Variants in IL27RA observed in about 807,000 individuals in gnomAD.
IL27RA encodes interleukin-27 receptor subunit alpha.
In IL27RA, 61 loss-of-function variants were observed where a neutral mutation model predicts 80.8. That is an observed-to-expected ratio of 0.76 (90% CI 0.61 to 0.93). The LOEUF (loss-of-function observed/expected upper bound fraction) is 0.93. Ranked by LOEUF, IL27RA falls within the 40% of genes least tolerant of loss-of-function variation. The pLI is 0.00. For missense variants in IL27RA, 735 were observed against 808.1 expected, an observed-to-expected ratio of 0.91 and a Z score of 1.10; for synonymous variants, 316 against 332.5, an observed-to-expected ratio of 0.95 and a Z score of 0.54.
Position 14,046,156 on chromosome 19 carries a change from C to T in IL27RA, c.771C>T (p.Ala257=). The T allele has an allele frequency of 6.2e-7, 1 of 1,613,672 alleles. No homozygotes were observed. Among genetic ancestry groups the T allele is most frequent in the Non-Finnish European group, 8.5e-7 (1 of 1,179,746 alleles). Residue 257 remains alanine (A), a splice_region_variant and synonymous_variant, in exon 7 of 14, where the codon GCC becomes GCT. Coordinates refer to ENST00000263379, the MANE Select transcript of IL27RA (RefSeq NM_004843.4). The part of the protein sequence containing the change: ...GGEEPLLLWK[A]PGPCVQVSYK... ...CCCTTTTTCCCTTCATCTCTCAGGC[C>T]CCAGGGCCCTGTGTGCAGGTGAGCT...
At chr19:14,048,259 G>T (rs1432477951) in intron 8 of IL27RA, among the ~76,000 whole-genome samples, 1 of 149,784 alleles carries the variant, frequency 6.7e-6, no homozygotes, top group East Asian at 1.9e-4. Flanking sequence ...TACCTGGCAA[G>T]AAATCTTTAT....
chr19:14,041,916 A>G (rs188033903), intron 4 of IL27RA, among the ~76,000 whole-genome samples: 208 of 151,850 alleles, frequency 1.4e-3, no homozygotes, highest in Non-Finnish European at 2.5e-3. Context: ...AAATACAAAA[A>G]TTGGCTGGGC....
Position 14,039,513 on chromosome 19 carries a change from C to G in IL27RA, c.224C>G (p.Ser75Cys), listed in dbSNP as rs1178534378. The G allele has an allele frequency of 7.4e-6, 12 of 1,612,220 alleles. No homozygotes were observed. Among genetic ancestry groups the G allele is most frequent in the Non-Finnish European group, 1.0e-5 (12 of 1,178,844 alleles). ...CCCCGCCTCTCTCCTCACAGCCGTT[C>G]CAACAAAACCCAGACTGTGGCAGTG... Reference protein sequence around the residue: ...ELHLQSQKYRSNKTQTVAVAA... With the variant: ...ELHLQSQKYRCNKTQTVAVAA... The change falls in exon 3 of 14, where the codon TCC (serine) becomes TGC (cysteine). Residue 75 changes from serine (S) to cysteine (C), a missense_variant. Physicochemically the swap from Ser to Cys is moderately radical, Grantham distance 112 (BLOSUM62 -1). Coordinates refer to ENST00000263379, the MANE Select transcript of IL27RA (RefSeq NM_004843.4).
chr19:14,040,400 A>G (rs1384108627), intron 4 of IL27RA, among the ~76,000 whole-genome samples: 2 of 148,860 alleles, frequency 1.3e-5, no homozygotes, highest in Non-Finnish European at 3.0e-5. Context: ...AAAATAATCT[A>G]TCACCCGGTC....
At chr19:14,040,526 TA>T (rs1356778329) in intron 4 of IL27RA, among the ~76,000 whole-genome samples, 6 of 151,414 alleles carry the variant, frequency 4.0e-5, no homozygotes, top group Admixed American at 1.3e-4. Flanking sequence ...TCTAAGAAGT[TA>T]AAAAATAATC....
chr19:14,033,153 A>G (rs1433444506), intron 2 of IL27RA, among the ~76,000 whole-genome samples: 5 of 145,916 alleles, frequency 3.4e-5, no homozygotes, highest in Non-Finnish European at 6.0e-5. Flanking sequence ...CTGGAATGCA[A>G]TGGTGTGGTC....
chr19:14,039,841 A>G lies in IL27RA; in HGVS notation c.465A>G (p.Thr155=), dbSNP rs539025031. 3.7e-5 allele frequency: 60 copies of G among 1,614,092 alleles called. No homozygotes were observed. Among genetic ancestry groups the G allele is most frequent in the African/African-American group, 2.7e-4 (20 of 75,028 alleles). ...LEATVHWAPP[T]WPSHKVLICQ... Reference sequence around the variant, plus strand: ...CCACTGTCCATTGGGCCCCACCTACATGGCCATCTCATAAAGTTCTGATCT... The same window carrying G: ...CCACTGTCCATTGGGCCCCACCTACGTGGCCATCTCATAAAGTTCTGATCT... Residue 155 remains threonine (T), a synonymous_variant, in exon 4 of 14, where the codon ACA becomes ACG. Transcript: ENST00000263379.
intron 4 of IL27RA, among the ~76,000 whole-genome samples, chr19:14,041,891 C>T (rs1047751712): frequency 4.6e-5 from 7 of 151,992 alleles, no homozygotes; most frequent in African/African-American, 1.4e-4. Context: ...GATGGTGAAA[C>T]CCCGTCTCTA....
At chr19:14,044,103 C>G (rs1261259162) in intron 6 of IL27RA, among the ~76,000 whole-genome samples, 4 of 151,552 alleles carry the variant, frequency 2.6e-5, no homozygotes, top group Admixed American at 6.6e-5. Flanking sequence ...TGCAATTATC[C>G]TCACTGATTC....
rs745876441 is a variant in IL27RA, at chr19:14,046,624, GCCCTGGGACACCTGGGTCTCCATC to G, written c.1141+10_1141+33del. ...CCTCAGTGCTCTGTTACCAGGTGAG[GCCCTGGGACACCTGGGTCTCCATC>G]CCCGCTGTTAGAGCAGACGGATGGG... On this transcript the variant is annotated splice_region_variant and intron_variant, in intron 8 of 13. Transcript: ENST00000263379. The G allele has an allele frequency of 6.3e-7, 1 of 1,583,740 alleles. No individual in the cohort carries two copies. Among genetic ancestry groups the G allele is most frequent in the East Asian group, 2.2e-5 (1 of 44,610 alleles).
chr19:14,040,771 C>T (rs1252459620), intron 4 of IL27RA, among the ~76,000 whole-genome samples: 1 of 151,452 alleles, frequency 6.6e-6, no homozygotes, highest in East Asian at 2.0e-4. Context: ...TTGCAGTGAG[C>T]TGAGATCGTG....
chr19:14,047,545 C>T (rs1463276396), intron 8 of IL27RA, among the ~76,000 whole-genome samples: 4 of 151,498 alleles, frequency 2.6e-5, no homozygotes, highest in Admixed American at 6.6e-5. Context: ...TTAGTAGAGA[C>T]GGGGTTTCAC....
intron 2 of IL27RA, among the ~76,000 whole-genome samples, chr19:14,038,187 C>G (rs939020461): frequency 6.6e-6 from 1 of 151,640 alleles, no homozygotes; most frequent in Non-Finnish European, 1.5e-5. Flanking sequence ...AGGGTCTTAT[C>G]CTGTCACCCA....
In IL27RA at chr19:14,039,647, G is replaced by A. The variant is rs375264330; in HGVS notation, c.358G>A (p.Val120Met). Reference sequence around the variant, plus strand: ...CCAGCCTCTCTGGCCCCCCGTCTTCGTGAACCTAGAAACCCAAAGTAACGT... The same window carrying A: ...CCAGCCTCTCTGGCCCCCCGTCTTCATGAACCTAGAAACCCAAAGTAACGT... ...AGQPLWPPVF[V>M]NLETQMKPNA... Residue 120 changes from valine (V) to methionine (M), a missense_variant, in exon 3 of 14, where the codon GTG becomes ATG. By Grantham distance (21) the Val-to-Met change is conservative (BLOSUM62 1). Coordinates refer to ENST00000263379, the MANE Select transcript of IL27RA (RefSeq NM_004843.4). 56 of 1,613,410 alleles carry A rather than the reference G, an allele frequency of 3.5e-5. No individual in the cohort carries two copies. The highest frequency in any genetic ancestry group is 3.3e-4 in the African/African-American group (25 of 75,056).
At chr19:14,041,592 C>T (rs988041461) in intron 4 of IL27RA, among the ~76,000 whole-genome samples, 4 of 152,164 alleles carry the variant, frequency 2.6e-5, no homozygotes, top group African/African-American at 9.6e-5. Flanking sequence ...CTCTCTGGGC[C>T]TCAGTTCCCT....
Position 14,042,593 on chromosome 19 carries a change from C to A in IL27RA, c.675C>A (p.Ser225=), listed in dbSNP as rs1216298742. The A allele has an allele frequency of 6.2e-7, 1 of 1,614,096 alleles. No homozygotes were observed. The highest frequency in any genetic ancestry group is 1.7e-5 in the Admixed American group (1 of 59,978). The part of the protein sequence containing the change: ...DLWGEWSPIL[S]FQTPPSAPKD... ...GGGGCGAGTGGAGCCCCATTTTGTCCTTCCAGACACCGCCTTCTGGTGAGG... is the reference window on the plus strand; with the variant it reads ...GGGGCGAGTGGAGCCCCATTTTGTCATTCCAGACACCGCCTTCTGGTGAGG... The change falls in exon 5 of 14, where the codon TCC becomes TCA. Residue 225 remains serine (S), a synonymous_variant. Transcript: ENST00000263379.
At chr19:14,048,544 C>T (rs1048342756) in intron 8 of IL27RA, among the ~76,000 whole-genome samples, 1 of 152,150 alleles carries the variant, frequency 6.6e-6, no homozygotes, top group Non-Finnish European at 1.5e-5. Context: ...AGGCCTCTCT[C>T]CCAGCTGCCC....
rs200891963 is a variant in IL27RA at position 14,051,627 on chromosome 19, G to A, written c.1549G>A (p.Val517Ile). The A allele has an allele frequency of 4.3e-6, 7 of 1,611,872 alleles. No homozygotes were observed. Among genetic ancestry groups the A allele is most frequent in the East Asian group, 2.2e-5 (1 of 44,852 alleles). ...ACCAGATAACACCCTGAGGTGGAAA[G>A]TTCTGCCGGGCATCCTATTCTTGTG... ...HLPDNTLRWK[V>I]LPGILFLWGL... The change falls in exon 12 of 14, where the codon GTT (valine) becomes ATT (isoleucine). Residue 517 changes from valine to isoleucine, a missense_variant. Val to Ile is a conservative substitution (Grantham distance 29). Coordinates refer to ENST00000263379, the MANE Select transcript of IL27RA (RefSeq NM_004843.4).
At chr19:14,042,852 C>T in intron 6 of IL27RA, 63 bp downstream of exon 6, 1 of 1,425,692 alleles carries the variant, frequency 7.0e-7, no homozygotes, top group Non-Finnish European at 9.9e-7. Context: ...ATAACAATGA[C>T]ATAAGGCCGG....
Sources: allele counts gnomAD v4.1 joint callset (sites outside exome capture counted in the v4.1 genomes callset), GRCh38; gene constraint gnomAD v4.1.1; transcripts MANE v1.5; gene names NCBI Gene and HGNC (gene_info 2026-07-23, HGNC 2026-07-21).